MEGF6: variants seen among roughly 807,000 people sequenced by gnomAD.
MEGF6 encodes multiple EGF like domains 6.
MEGF6 carries 184 observed loss-of-function variants against 207.1 expected under a neutral mutation model. The observed-to-expected ratio is 0.89, with a 90% CI of 0.79 to 1.00. The LOEUF (loss-of-function observed/expected upper bound fraction) is 1.00, where lower values mean the gene tolerates loss of function less well. Among genes scored for constraint, MEGF6 ranks in the 50% least tolerant of loss-of-function variants. The pLI, the probability that MEGF6 is intolerant of heterozygous loss-of-function variation, is 0.00. For missense variants in MEGF6, 2,282 were observed against 2,202.9 expected (o/e 1.04, Z -0.72); for synonymous variants, 1,038 against 910.0 (o/e 1.14, Z -2.53).
chr1:3,623,501 G>A, the MEGF6 span: 1 of 152,262 alleles, frequency 6.6e-6, no homozygotes, highest in African/African-American at 2.4e-5. Context: ...CTCTTTTCTG[G>A]GCCATTTCTC....
intron 14 of MEGF6, 79 bp downstream of exon 14, chr1:3,507,716 G>C: frequency 6.3e-7 from 1 of 1,576,940 alleles, no homozygotes; most frequent in Non-Finnish European, 8.7e-7. Context: ...GAGACAAGGA[G>C]GACGTGGAGG....
At chr1:3,602,781 G>A (rs1303110888) in intron 1 of MEGF6, among the ~76,000 whole-genome samples, 181 bp from the exon 2 acceptor site, 2 of 152,158 alleles carry the variant, frequency 1.3e-5, no homozygotes, top group Non-Finnish European at 2.9e-5. Context: ...CAGGCTTGAG[G>A]GCACAGGAGC....
chr1:3,496,921 G>T, intron 28 of MEGF6, 67 bp downstream of exon 28: 3 of 1,530,606 alleles, frequency 2.0e-6, no homozygotes, highest in South Asian at 1.2e-5. Context: ...CCGGGGACCA[G>T]GGGAACTGGG....
rs111806497 is a variant in MEGF6, at chr1:3,508,655, G to A, written c.1563C>T (p.Ser521=). Residue 521 remains serine (S), a synonymous_variant, in exon 13 of 37, where the codon AGC becomes AGT. Transcript: ENST00000356575. ...CLDDSFGHDC[S]LTCDDCRNGG... Reference sequence around the variant, plus strand: ...CGTTCCTGCAGTCATCACAGGTCAAGCTGCAGTCATGGCCAAAGGAGTCAT... The same window carrying A: ...CGTTCCTGCAGTCATCACAGGTCAAACTGCAGTCATGGCCAAAGGAGTCAT... 2.9e-4 allele frequency: 464 copies of A among 1,613,490 alleles called. 1 individual carries two copies. Among genetic ancestry groups the A allele is most frequent in the Middle Eastern group, 1.5e-3 (9 of 6,060 alleles).
intron 26 of MEGF6, 72 bp downstream of exon 26, chr1:3,498,299 C>T: frequency 1.3e-6 from 2 of 1,525,268 alleles, no homozygotes; most frequent in Non-Finnish European, 1.8e-6. Context: ...CAGTCCTCAG[C>T]CCTGCAGTAA....
At chr1:3,496,875 A>AC (rs891504421) in intron 28 of MEGF6, 92 bp from the exon 29 acceptor site, 2 of 1,517,906 alleles carry the variant, frequency 1.3e-6, no homozygotes, top group Non-Finnish European at 8.9e-7. Flanking sequence ...AGACCCCCAC[A>AC]CCCTCCATCT....
intron 4 of MEGF6, among the ~76,000 whole-genome samples, chr1:3,566,945 C>T (rs1643358446): frequency 6.6e-6 from 1 of 152,218 alleles, no homozygotes; most frequent in South Asian, 2.1e-4. Context: ...ACGGCCCCTA[C>T]GGCGGCCCTC....
chr1:3,508,559 C>A lies in MEGF6; in HGVS notation c.1659G>T (p.Glu553Asp). Residue 553 changes from glutamate (E) to aspartate (D), a missense_variant and splice_region_variant, in exon 13 of 37, where the codon GAG becomes GAT. Glu to Asp is a conservative substitution (Grantham distance 45). Transcript: ENST00000356575. Reference sequence around the variant, plus strand: ...CCAGCCCCTGCCCAGCTGCCTCACTCTCATTGCAGATGAGCCCAGTCCAGC... The same window carrying A: ...CCAGCCCCTGCCCAGCTGCCTCACTATCATTGCAGATGAGCCCAGTCCAGC... ...PEGWTGLICNETCPPDTFGKN... is the reference protein window; with the variant it reads ...PEGWTGLICNDTCPPDTFGKN... The A allele has an allele frequency of 6.2e-7, 1 of 1,612,730 alleles. No individual in the cohort carries two copies. Among genetic ancestry groups the A allele is most frequent in the Non-Finnish European group, 8.5e-7 (1 of 1,179,578 alleles).
At chr1:3,517,307 A>G (rs1156723773) in intron 5 of MEGF6, among the ~76,000 whole-genome samples, 3 of 152,182 alleles carry the variant, frequency 2.0e-5, no homozygotes, top group Admixed American at 6.5e-5. Context: ...CACCCCCTCC[A>G]GACAGGCAGA....
At chr1:3,553,557 G>A (rs1041486311) in intron 4 of MEGF6, among the ~76,000 whole-genome samples, 1 of 152,172 alleles carries the variant, frequency 6.6e-6, no homozygotes, top group East Asian at 1.9e-4. Context: ...AGCCAAGTCC[G>A]CCCACTGGGC....
chr1:3,579,957 GA>G (rs765096037), intron 3 of MEGF6, 28 bp from the exon 4 acceptor site: 22 of 1,446,188 alleles, frequency 1.5e-5, no homozygotes, highest in African/African-American at 5.9e-5. Context: ...AAATCGGTGA[GA>G]GGGGCAAGGA....
intron 4 of MEGF6, among the ~76,000 whole-genome samples, chr1:3,553,555 C>G (rs1642950200): frequency 6.6e-6 from 1 of 152,194 alleles, no homozygotes. Flanking sequence ...TGAGCCAAGT[C>G]CGCCCACTGG....
chr1:3,514,565 C>A lies in MEGF6; in HGVS notation c.838G>T (p.Gly280Cys). The A allele has an allele frequency of 6.3e-7, 1 of 1,591,172 alleles. No individual in the cohort carries two copies. The highest frequency in any genetic ancestry group is 8.5e-7 in the Non-Finnish European group (1 of 1,171,852). ...GGCGTCCTACCTTCACAGGCCTTGC[C>A]GTCCGCTGCTAGCTGATAGCCCACG... ...CHVGYQLAADGKACEDVDECA... is the reference protein window; with the variant it reads ...CHVGYQLAADCKACEDVDECA... The change falls in exon 7 of 37, where the codon GGC becomes TGC. Residue 280 changes from glycine (G) to cysteine (C), a missense_variant. Transcript: ENST00000356575.
chr1:3,584,900 G>C (rs1357920974), intron 3 of MEGF6, among the ~76,000 whole-genome samples: 5 of 152,280 alleles, frequency 3.3e-5, no homozygotes, highest in African/African-American at 1.2e-4. Flanking sequence ...GGGACTCTAA[G>C]GCGTCACGGG....
intron 4 of MEGF6, among the ~76,000 whole-genome samples, chr1:3,563,208 C>A (rs1281660497): frequency 6.6e-6 from 1 of 152,210 alleles, no homozygotes; most frequent in African/African-American, 2.4e-5. Flanking sequence ...GTCCCACCTG[C>A]CCAAACCTTC....
intron 4 of MEGF6, among the ~76,000 whole-genome samples, chr1:3,557,461 A>G (rs1415785126): frequency 6.6e-6 from 1 of 152,090 alleles, no homozygotes; most frequent in Non-Finnish European, 1.5e-5. Context: ...CTTGAGGAGG[A>G]GCCACTGTCT....
intron 3 of MEGF6, among the ~76,000 whole-genome samples, chr1:3,582,515 G>A (rs1643823985): frequency 6.6e-6 from 1 of 152,126 alleles, no homozygotes; most frequent in African/African-American, 2.4e-5. Context: ...CCTCTTAGCC[G>A]GCCCCAGCTT....
chr1:3,590,115 C>T (rs975305243), intron 3 of MEGF6, among the ~76,000 whole-genome samples: 23 of 152,272 alleles, frequency 1.5e-4, no homozygotes, highest in African/African-American at 5.5e-4. Context: ...TGAGGAGTTG[C>T]GGGGTACAGG....
intron 30 of MEGF6, 51 bp downstream of exon 30, chr1:3,495,839 T>G (rs1470236683): frequency 1.3e-6 from 2 of 1,579,968 alleles, no homozygotes; most frequent in Non-Finnish European, 8.6e-7. Context: ...GCTAATCCAG[T>G]GACATCTCTG....
Sources: gnomAD v4.1 joint callset for allele counts (sites outside exome capture counted in the v4.1 genomes callset) on GRCh38, gnomAD v4.1.1 for gene constraint, MANE v1.5 for transcripts, NCBI Gene and HGNC (gene_info 2026-07-23, HGNC 2026-07-21) for gene names.